The following CEP63 variants were observed in gnomAD, a reference collection of about 807,000 sequenced individuals.
The protein encoded by CEP63 is centrosomal protein 63, also known as centrosomal protein of 63 kDa.
Under a neutral mutation model 89.1 loss-of-function variants are expected in CEP63, and 84 were observed. The ratio of observed to expected loss-of-function variants is 0.94; its 90% confidence interval spans 0.79 to 1.13. The LOEUF (loss-of-function observed/expected upper bound fraction) is 1.13, where lower values mean the gene tolerates loss of function less well. Among genes scored for constraint, CEP63 ranks in the 50% most tolerant of loss-of-function variants. The pLI is 0.00. For synonymous variants in CEP63, 267 were observed against 272.5 expected (o/e 0.98, Z 0.20); for missense variants, 838 against 813.3 (o/e 1.03, Z -0.37).
At chr3:134,546,354 A>C in intron 8 of CEP63, 66 bp downstream of exon 8, 1 of 1,281,988 alleles carries the variant, frequency 7.8e-7, no homozygotes, top group South Asian at 1.4e-5. Flanking sequence ...CACTAGGCTT[A>C]TTTTTATTTT....
At chr3:134,538,547 A>ATATATATATATATATG (rs1411880610) in intron 6 of CEP63, among the ~76,000 whole-genome samples, 3 of 140,478 alleles carry the variant, frequency 2.1e-5, no homozygotes, top group Non-Finnish European at 3.1e-5. Context: ...ATATATATAT[A>ATATATATATATATATG]TATATATGTA....
At chr3:134,489,408 C>T (rs1936878624) in intron 1 of CEP63, among the ~76,000 whole-genome samples, 1 of 152,052 alleles carries the variant, frequency 6.6e-6, no homozygotes, top group African/African-American at 2.4e-5. Context: ...ATAGGTAATG[C>T]AGTATACTTC....
the CEP63 span, among the ~76,000 whole-genome samples, chr3:134,724,976 C>T: frequency 3.9e-4 from 59 of 152,172 alleles, 1 homozygote; most frequent in African/African-American, 1.3e-3. Context: ...AATAAGGCAA[C>T]CAGCTGACCT....
intron 1 of CEP63, among the ~76,000 whole-genome samples, chr3:134,487,135 A>G (rs1935836533): frequency 6.6e-6 from 1 of 152,206 alleles, no homozygotes; most frequent in Non-Finnish European, 1.5e-5. Flanking sequence ...CCCTGTATTT[A>G]TACAGTTCCT....
At chr3:134,577,059 T>G (rs915382048), downstream of CEP63, among the ~76,000 whole-genome samples, 1 of 152,182 alleles carries the variant, frequency 6.6e-6, no homozygotes, top group African/African-American at 2.4e-5. Context: ...CATGATGCAT[T>G]ACTGCAGTTA....
At chr3:134,567,902 T>C (rs1957850745), downstream of CEP63, among the ~76,000 whole-genome samples, 2 of 152,234 alleles carry the variant, frequency 1.3e-5, no homozygotes, top group African/African-American at 4.8e-5. Flanking sequence ...ACAAACACTT[T>C]AGAGGGTTAC....
intron 14 of CEP63, among the ~76,000 whole-genome samples, chr3:134,560,116 T>G (rs919486953): frequency 1.3e-5 from 2 of 152,236 alleles, no homozygotes; most frequent in Non-Finnish European, 1.5e-5. Flanking sequence ...TCACTTCACT[T>G]TCTTCCTAAG....
intron 11 of CEP63, among the ~76,000 whole-genome samples, chr3:134,570,561 C>T (rs1957969500): frequency 1.3e-5 from 2 of 152,200 alleles, no homozygotes; most frequent in African/African-American, 4.8e-5. Context: ...ATTTCATTGT[C>T]CATATAGTTA....
At chr3:134,646,495 A>G in the CEP63 span, among the ~76,000 whole-genome samples, 6 of 152,276 alleles carry the variant, frequency 3.9e-5, no homozygotes, top group African/African-American at 1.4e-4. Context: ...TCCCTGTTTC[A>G]TTTCCAATAT....
At chr3:134,624,705 G>A in the CEP63 span, among the ~76,000 whole-genome samples, 19 of 152,208 alleles carry the variant, frequency 1.2e-4, no homozygotes, top group Non-Finnish European at 2.6e-4. Context: ...CTTCTTCCAT[G>A]GACTGGAGGC....
chr3:134,609,018 G>T, the CEP63 span, among the ~76,000 whole-genome samples: 1 of 152,172 alleles, frequency 6.6e-6, no homozygotes, highest in South Asian at 2.1e-4. Flanking sequence ...GTCAAGGCAG[G>T]GTCTGAGGTC....
chr3:134,509,228 G>T (rs1944267089), intron 3 of CEP63, among the ~76,000 whole-genome samples: 1 of 152,174 alleles, frequency 6.6e-6, no homozygotes, highest in African/African-American at 2.4e-5. Context: ...AGTTATGGCG[G>T]AAGGCAAAGG....
chr3:134,505,605 T>C (rs1358736877), intron 2 of CEP63, among the ~76,000 whole-genome samples: 1 of 152,118 alleles, frequency 6.6e-6, no homozygotes, highest in Non-Finnish European at 1.5e-5. Flanking sequence ...GTGGGTGACA[T>C]GCACAGGCAC....
chr3:134,514,233 G>A (rs1456199450), intron 3 of CEP63, among the ~76,000 whole-genome samples: 2 of 152,128 alleles, frequency 1.3e-5, no homozygotes, highest in Admixed American at 1.3e-4. Flanking sequence ...TAAAGATTAA[G>A]GGATAATTAG....
chr3:134,561,575 A>C lies in CEP63; in HGVS notation c.*40A>C. The C allele has an allele frequency of 6.3e-7, 1 of 1,582,574 alleles. No homozygotes were observed. The highest frequency in any genetic ancestry group is 8.6e-7 in the Non-Finnish European group (1 of 1,162,102). ...CACTATCTTGGAAATAAAAATAAAC[A>C]CCAAAGAGTTACTGTCATCTGAAGT... On this transcript the variant is annotated 3_prime_UTR_variant, in exon 15 of 15. Transcript: ENST00000675561.
intron 13 of CEP63, 68 bp from the exon 14 acceptor site, chr3:134,559,082 C>G: frequency 6.4e-7 from 1 of 1,558,248 alleles, no homozygotes. Context: ...AAATTTCCTA[C>G]ATTTCTGTTG....
At chr3:134,648,561 C>T in the CEP63 span, among the ~76,000 whole-genome samples, 6 of 152,134 alleles carry the variant, frequency 3.9e-5, no homozygotes, top group African/African-American at 1.4e-4. Context: ...CTTTCAGGCA[C>T]GTTTTGGAGA....
chr3:134,735,861 C>T, the CEP63 span, among the ~76,000 whole-genome samples: 1 of 152,088 alleles, frequency 6.6e-6, no homozygotes, highest in Non-Finnish European at 1.5e-5. Flanking sequence ...TCTGTAACAT[C>T]AACTGTTCCA....
the CEP63 span, chr3:134,650,877 AC>A: frequency 6.2e-7 from 1 of 1,612,484 alleles, no homozygotes; most frequent in South Asian, 1.1e-5. Flanking sequence ...CTGAGAGCGT[AC>A]CCTGTGCGGC....
Sources: gnomAD v4.1 joint callset for allele counts (sites outside exome capture counted in the v4.1 genomes callset) on GRCh38, gnomAD v4.1.1 for gene constraint, MANE v1.5 for transcripts, NCBI Gene and HGNC (gene_info 2026-07-23, HGNC 2026-07-21) for gene names.